Variants in MCF2L2 observed in about 807,000 individuals in gnomAD.
The protein encoded by MCF2L2 is MCF.2 cell line derived transforming sequence-like 2, also known as probable guanine nucleotide exchange factor MCF2L2.
MCF2L2 carries 102 observed loss-of-function variants against 150.2 expected under a neutral mutation model. The observed-to-expected ratio is 0.68, with a 90% CI of 0.58 to 0.80. MCF2L2 has a LOEUF of 0.80. Ranked by LOEUF, MCF2L2 falls within the 30% of genes least tolerant of loss-of-function variation. MCF2L2 has a pLI of 0.00. For missense variants in MCF2L2, 1,256 were observed against 1,372.8 expected (o/e 0.91, Z 1.34); for synonymous variants, 465 against 491.3 (o/e 0.95, Z 0.71).
chr3:183,233,837 G>A (rs568438914), intron 15 of MCF2L2, among the ~76,000 whole-genome samples: 1 of 152,078 alleles, frequency 6.6e-6, no homozygotes, highest in Non-Finnish European at 1.5e-5. Flanking sequence ...GTAATGATAT[G>A]TAAACCCTAT....
At position 183,221,246 on chromosome 3, in the gene MCF2L2, A is replaced by G. The variant is rs139133815; in HGVS notation, c.2302-1322T>C. Among the ~76,000 whole-genome samples, 9 of 152,256 alleles carry G rather than the reference A, an allele frequency of 5.9e-5. No homozygotes were observed. In the East Asian group the frequency reaches 1.7e-3, roughly 29 times the overall value. On this transcript the variant is annotated intron_variant, in intron 20 of 29. Transcript: ENST00000328913. ...ACGGCTCCTCACAGACCCCCCGCAAAATATTTTGTAGTAATTCTATCTCTT... is the reference window on the plus strand; with the variant it reads ...ACGGCTCCTCACAGACCCCCCGCAAGATATTTTGTAGTAATTCTATCTCTT...
intron 1 of MCF2L2, 143 bp downstream of exon 1, chr3:183,427,759 G>A: frequency 1.4e-6 from 1 of 728,060 alleles, no homozygotes; most frequent in South Asian, 1.5e-5. Context: ...GCAGGACCCA[G>A]AGCAGCGAGG....
chr3:183,241,496 G>A (rs1369991251), intron 15 of MCF2L2, among the ~76,000 whole-genome samples: 9 of 152,176 alleles, frequency 5.9e-5, no homozygotes, highest in African/African-American at 2.2e-4. Context: ...AGTCTCAGGA[G>A]ATCTGATGAT....
intron 5 of MCF2L2, among the ~76,000 whole-genome samples, chr3:183,330,191 G>A (rs1236638446): frequency 7.3e-6 from 1 of 136,942 alleles, no homozygotes; most frequent in African/African-American, 2.9e-5. Flanking sequence ...GTTACACTGA[G>A]CCATGATCAC....
chr3:183,420,788 T>A (rs550844713), intron 1 of MCF2L2, among the ~76,000 whole-genome samples: 5 of 152,200 alleles, frequency 3.3e-5, no homozygotes, highest in African/African-American at 1.2e-4. Context: ...ATCTGCCACT[T>A]TTAAAACCAT....
intron 4 of MCF2L2, among the ~76,000 whole-genome samples, chr3:183,340,134 C>T (rs1730639325): frequency 1.3e-5 from 2 of 152,140 alleles, no homozygotes; most frequent in South Asian, 2.1e-4. Context: ...GACTCTCTTC[C>T]CCATCTTTAA....
chr3:183,358,284 ACT>A (rs1349083945), intron 3 of MCF2L2, among the ~76,000 whole-genome samples: 1 of 152,000 alleles, frequency 6.6e-6, no homozygotes, highest in Admixed American at 6.6e-5. Context: ...TGAGAGCGAA[ACT>A]CTGTCACAAG....
chr3:183,241,463 T>G (rs1001277910), intron 15 of MCF2L2, among the ~76,000 whole-genome samples: 16 of 152,184 alleles, frequency 1.1e-4, no homozygotes, highest in African/African-American at 3.9e-4. Context: ...GTTTTTCCTG[T>G]GCTGTTCTCA....
chr3:183,260,176 G>C (rs1449966543), intron 15 of MCF2L2, among the ~76,000 whole-genome samples: 1 of 152,038 alleles, frequency 6.6e-6, no homozygotes, highest in Non-Finnish European at 1.5e-5. Flanking sequence ...TCGGTATCTC[G>C]ATGCCTCAGT....
chr3:183,258,788 A>G (rs1725317068), intron 15 of MCF2L2, among the ~76,000 whole-genome samples: 1 of 152,074 alleles, frequency 6.6e-6, no homozygotes, highest in African/African-American at 2.4e-5. Context: ...TGTCCAGGCT[A>G]GAGTGCAGAG....
At chr3:183,357,444 T>C (rs1356178961) in intron 3 of MCF2L2, among the ~76,000 whole-genome samples, 1 of 152,156 alleles carries the variant, frequency 6.6e-6, no homozygotes, top group East Asian at 1.9e-4. Context: ...AGTGCAAAGA[T>C]ACAGGTCAAT....
chr3:183,204,602 G>C (rs1423189783), intron 25 of MCF2L2, among the ~76,000 whole-genome samples: 1 of 152,124 alleles, frequency 6.6e-6, no homozygotes, highest in Non-Finnish European at 1.5e-5. Flanking sequence ...TGATTTGGAA[G>C]TTCCTCAGAA....
At chr3:183,198,796 T>C (rs1213448630) in intron 25 of MCF2L2, among the ~76,000 whole-genome samples, 2 of 152,132 alleles carry the variant, frequency 1.3e-5, no homozygotes, top group African/African-American at 4.8e-5. Flanking sequence ...ACTGACCTAG[T>C]GAGTAAGGAT....
At chr3:183,230,256 G>A (rs912022701) in intron 16 of MCF2L2, among the ~76,000 whole-genome samples, 3 of 152,066 alleles carry the variant, frequency 2.0e-5, no homozygotes, top group Admixed American at 6.6e-5. Context: ...TGGAATTACA[G>A]GCACACACCA....
chr3:183,342,424 C>G (rs1730736963), intron 3 of MCF2L2, among the ~76,000 whole-genome samples: 1 of 151,896 alleles, frequency 6.6e-6, no homozygotes, highest in African/African-American at 2.4e-5. Context: ...ATCATATTAC[C>G]AGTAATGAGA....
At chr3:183,195,186 T>G in intron 26 of MCF2L2, 36 bp downstream of exon 26, 2 of 1,537,970 alleles carry the variant, frequency 1.3e-6, no homozygotes, top group Non-Finnish European at 1.8e-6. Flanking sequence ...TCCAAAGCAT[T>G]TGACATGCCT....
chr3:183,253,381 A>C (rs1724692886), intron 15 of MCF2L2: 1 of 152,204 alleles, frequency 6.6e-6, no homozygotes. Context: ...GCGGGAAGGA[A>C]AGCCGACCTC....
chr3:183,385,926 C>A (rs1343990880), intron 2 of MCF2L2, among the ~76,000 whole-genome samples: 1 of 152,314 alleles, frequency 6.6e-6, no homozygotes, highest in East Asian at 1.9e-4. Context: ...TGGACACTGA[C>A]CTAATGTCTG....
chr3:183,242,628 T>C (rs969969104), intron 15 of MCF2L2, among the ~76,000 whole-genome samples: 2 of 152,288 alleles, frequency 1.3e-5, no homozygotes, highest in East Asian at 1.9e-4. Context: ...AGGCAGAAGT[T>C]TGCTGCAGGG....
Sources: gnomAD v4.1 joint callset for allele counts (sites outside exome capture counted in the v4.1 genomes callset) on GRCh38, gnomAD v4.1.1 for gene constraint, MANE v1.5 for transcripts, NCBI Gene and HGNC (gene_info 2026-07-23, HGNC 2026-07-21) for gene names.